ADGRV1: variants seen among roughly 807,000 people sequenced by gnomAD.
ADGRV1 encodes G-protein coupled receptor 98.
Under a neutral mutation model 596.2 loss-of-function variants are expected in ADGRV1, and 359 were observed. The observed-to-expected ratio is 0.60, with a 90% CI of 0.55 to 0.66. ADGRV1 has a LOEUF of 0.66. Among genes scored for constraint, ADGRV1 ranks in the 30% least tolerant of loss-of-function variants. ADGRV1 has a pLI of 0.00. For synonymous variants in ADGRV1, 2,681 were observed against 2,679.2 expected (o/e 1.00, Z -0.02); for missense variants, 7,274 against 7,575.6 (o/e 0.96, Z 1.48).
chr5:90,727,922 C>T (rs749069656), intron 48 of ADGRV1, among the ~76,000 whole-genome samples: 2 of 152,182 alleles, frequency 1.3e-5, no homozygotes, highest in Non-Finnish European at 2.9e-5. Context: ...TCATAATTCT[C>T]TATCAGACCA....
intron 29 of ADGRV1, among the ~76,000 whole-genome samples, chr5:90,686,313 A>G (rs1433748019): frequency 6.6e-6 from 1 of 152,072 alleles, no homozygotes; most frequent in Non-Finnish European, 1.5e-5. Context: ...TGCTGCACCC[A>G]TTAACTCATC....
intron 45 of ADGRV1, among the ~76,000 whole-genome samples, chr5:90,724,535 A>G (rs1474127738): frequency 6.6e-6 from 1 of 152,222 alleles, no homozygotes; most frequent in Non-Finnish European, 1.5e-5. Flanking sequence ...AGCCACATTT[A>G]GTATTTATTT....
chr5:90,845,786 C>G (rs1003146682), intron 78 of ADGRV1, among the ~76,000 whole-genome samples: 1 of 152,046 alleles, frequency 6.6e-6, no homozygotes, highest in African/African-American at 2.4e-5. Flanking sequence ...AGAATTATAT[C>G]TTAGGGATTT....
chr5:90,739,621 A>T (rs957597433), intron 50 of ADGRV1, among the ~76,000 whole-genome samples: 1 of 152,204 alleles, frequency 6.6e-6, no homozygotes, highest in Non-Finnish European at 1.5e-5. Flanking sequence ...TGGGGTCTTC[A>T]GTAAGTCAGA....
chr5:90,566,388 T>C (rs1755632189), intron 1 of ADGRV1, among the ~76,000 whole-genome samples: 1 of 152,138 alleles, frequency 6.6e-6, no homozygotes, highest in Admixed American at 6.5e-5. Flanking sequence ...ATTATCCAGG[T>C]TCCATTTGCT....
intron 77 of ADGRV1, among the ~76,000 whole-genome samples, chr5:90,838,959 C>G (rs1422617540): frequency 6.6e-6 from 1 of 152,166 alleles, no homozygotes; most frequent in Non-Finnish European, 1.5e-5. Flanking sequence ...TATTTCTAGT[C>G]TGAGTATTTC....
At chr5:90,977,630 C>A (rs996511453) in intron 84 of ADGRV1, among the ~76,000 whole-genome samples, 1 of 152,018 alleles carries the variant, frequency 6.6e-6, no homozygotes, top group African/African-American at 2.4e-5. Context: ...CTATGACAAT[C>A]AAAACACTTA....
rs1755427931 is a variant in ADGRV1 at position 90,564,917 on chromosome 5, C to T, written c.22+6000C>T. Among the ~76,000 whole-genome samples, 51 of 150,488 alleles carry T rather than the reference C, an allele frequency of 3.4e-4. 18 individuals are homozygous for T. In the South Asian group the frequency reaches 0.011, roughly 32 times the overall value. ...CTGGGATTACAGGCGTGAGCCACCG[C>T]GCCCGGCCGGCGTTTAATATATTTA... On this transcript the variant is annotated intron_variant, in intron 1 of 89. Transcript: ENST00000405460.
chr5:91,144,451 T>C (rs529989923), intron 87 of ADGRV1, among the ~76,000 whole-genome samples: 3 of 152,108 alleles, frequency 2.0e-5, no homozygotes, highest in Admixed American at 6.5e-5. Flanking sequence ...ATGGCAGGTG[T>C]GTGCTACCAT....
chr5:90,739,561 G>A lies in ADGRV1; in HGVS notation c.10550-5485G>A, dbSNP rs112944202. Reference sequence around the variant, plus strand: ...GGCTGGGCTGTTACCTGTGACCTGGGATCAAATGGAAGTGCTGGCTGTGCT... The same window carrying A: ...GGCTGGGCTGTTACCTGTGACCTGGAATCAAATGGAAGTGCTGGCTGTGCT... On this transcript the variant is annotated intron_variant, in intron 50 of 89. Transcript: ENST00000405460. Among the ~76,000 whole-genome samples, 320 of 152,284 alleles carry A rather than the reference G, an allele frequency of 2.1e-3. 1 individual carries two copies. The highest frequency in any genetic ancestry group is 7.2e-3 in the African/African-American group (301 of 41,560).
At chr5:90,681,247 T>C in intron 26 of ADGRV1, 68 bp from the exon 27 acceptor site, 2 of 1,557,712 alleles carry the variant, frequency 1.3e-6, no homozygotes, top group Non-Finnish European at 1.7e-6. Flanking sequence ...GTTCCTTGGC[T>C]TTTTCTTTGA....
At chr5:91,062,816 G>A (rs1379179537) in intron 85 of ADGRV1, among the ~76,000 whole-genome samples, 4 of 152,052 alleles carry the variant, frequency 2.6e-5, no homozygotes, top group Admixed American at 1.3e-4. Flanking sequence ...ACCACCATGT[G>A]CTGTGAAATC....
In ADGRV1 at chr5:90,653,915, G is replaced by A. The variant is rs1160299598; in HGVS notation, c.4341G>A (p.Arg1447=). Reference sequence around the variant, plus strand: ...ACCTGGATGGAAATGCAATGCCCAGGGGAATCAAGAGTCTGAAAGGAGAAG... The same window carrying A: ...ACCTGGATGGAAATGCAATGCCCAGAGGAATCAAGAGTCTGAAAGGAGAAG... The part of the protein sequence containing the change: ...EFYLDGNAMP[R]GIKSLKGEAI... The change falls in exon 20 of 90, where the codon AGG becomes AGA. Residue 1447 remains arginine, a synonymous_variant. Transcript: ENST00000405460. The A allele has an allele frequency of 1.3e-6, 2 of 1,567,302 alleles. No homozygotes were observed. The highest frequency in any genetic ancestry group is 2.7e-5 in the African/African-American group (2 of 74,016).
chr5:90,625,297 A>T, intron 6 of ADGRV1, 54 bp downstream of exon 6: 7 of 1,119,728 alleles, frequency 6.3e-6, no homozygotes, highest in South Asian at 1.3e-5. Flanking sequence ...TGCAGGACAC[A>T]GTCCTGTATA....
chr5:90,836,120 T>TA (rs1283726607), intron 77 of ADGRV1, among the ~76,000 whole-genome samples: 3 of 152,170 alleles, frequency 2.0e-5, no homozygotes. Flanking sequence ...CTGGATCACT[T>TA]ATTCATTGCT....
chr5:90,961,776 TAA>T (rs1350964398), intron 83 of ADGRV1, among the ~76,000 whole-genome samples: 6 of 152,228 alleles, frequency 3.9e-5, no homozygotes, highest in Admixed American at 3.9e-4. Context: ...GAGAATTTTA[TAA>T]GTCATTTTAA....
chr5:90,620,176 A>G (rs1159030658), intron 4 of ADGRV1, among the ~76,000 whole-genome samples: 3 of 152,162 alleles, frequency 2.0e-5, no homozygotes, highest in Non-Finnish European at 1.5e-5. Context: ...GAATCGCCAC[A>G]CTGACTTCCA....
At position 90,823,443 on chromosome 5, in the gene ADGRV1, G is replaced by A. The variant is rs1173544125; in HGVS notation, c.16215G>A (p.Lys5405=). ...CTCACAGGGCCTTTGAAGATGTCAA[G>A]GTCTTTTGGCGAGTCACACTTAACA... ...RQPNRAFEDV[K]VFWRVTLNKT... The change falls in exon 76 of 90, where the codon AAG becomes AAA. Residue 5405 remains lysine, a synonymous_variant. Transcript: ENST00000405460. 5 of 1,613,710 alleles carry A rather than the reference G, an allele frequency of 3.1e-6. No individual in the cohort carries two copies. The African/African-American group carries it at 5.3e-5, about 17-fold the overall frequency.
chr5:90,982,088 T>C (rs1396909905), intron 84 of ADGRV1, among the ~76,000 whole-genome samples: 1 of 151,762 alleles, frequency 6.6e-6, no homozygotes, highest in East Asian at 1.9e-4. Context: ...ACCTTGTCTC[T>C]AAAAAAAAAT....
Sources: gnomAD v4.1 joint callset for allele counts (sites outside exome capture counted in the v4.1 genomes callset) on GRCh38, gnomAD v4.1.1 for gene constraint, MANE v1.5 for transcripts, NCBI Gene and HGNC (gene_info 2026-07-23, HGNC 2026-07-21) for gene names.